CLDN14: variants seen among roughly 807,000 people sequenced by gnomAD.
CLDN14 encodes the protein claudin 14.
In CLDN14, 2 loss-of-function variants were observed where a neutral mutation model predicts 2.1. The ratio of observed to expected loss-of-function variants is 0.96; its 90% CI spans 0.39 to 3.01. The LOEUF (loss-of-function observed/expected upper bound fraction) is 3.01, where lower values mean the gene tolerates loss of function less well. Ranked by LOEUF, CLDN14 falls within the 30% of genes most tolerant of loss-of-function variation. The pLI is 0.09. For synonymous variants in CLDN14, 136 were observed against 154.4 expected, an observed-to-expected ratio of 0.88 and a Z score of 0.88; for missense variants, 298 against 328.0, an observed-to-expected ratio of 0.91 and a Z score of 0.71.
chr21:36,545,045 C>T (rs561192670), intron 1 of CLDN14, among the ~76,000 whole-genome samples: 2 of 152,300 alleles, frequency 1.3e-5, no homozygotes, highest in Admixed American at 6.5e-5. Context: ...GCTGTTCAGC[C>T]TCCTACCAAT....
At chr21:36,532,774 A>G (rs1048864558) in intron 1 of CLDN14, among the ~76,000 whole-genome samples, 1 of 152,146 alleles carries the variant, frequency 6.6e-6, no homozygotes. Context: ...GACTAAAAGA[A>G]AGTATTTAAG....
chr21:36,505,405 A>G (rs1276795983), intron 2 of CLDN14, among the ~76,000 whole-genome samples: 4 of 152,202 alleles, frequency 2.6e-5, no homozygotes. Flanking sequence ...CAATTCCAGG[A>G]CGATGAAGCC....
Position 36,510,643 on chromosome 21 carries a change from C to G in CLDN14, c.-219-143G>C, listed in dbSNP as rs1052889491. On this transcript the variant is annotated intron_variant, in intron 1 of 2. Transcript: ENST00000342108. ...GACAGGTTGGAGAGGAGGAAAACCC[C>G]TTACTACAGGAGTGTTTCACCTACC... The G allele has an allele frequency of 2.0e-5, 3 of 152,274 alleles. No individual in the cohort carries two copies. The South Asian group carries it at 6.2e-4, about 31-fold the overall frequency. 9.4% of individuals were successfully genotyped at this position (152,274 alleles called of 1,614,324 possible).
At chr21:36,468,410 C>G (rs920080993) in intron 1 of CLDN14, among the ~76,000 whole-genome samples, 1 of 152,068 alleles carries the variant, frequency 6.6e-6, no homozygotes, top group African/African-American at 2.4e-5. Flanking sequence ...AACCCCGTCT[C>G]TACTAAAAAT....
At chr21:36,557,058 A>G (rs1312752786) in intron 1 of CLDN14, among the ~76,000 whole-genome samples, 1 of 152,160 alleles carries the variant, frequency 6.6e-6, no homozygotes, top group Non-Finnish European at 1.5e-5. Context: ...CCTTTCTGTG[A>G]CTGGCTTACT....
chr21:36,487,713 G>A (rs1296163064), intron 2 of CLDN14: 1 of 152,214 alleles, frequency 6.6e-6, no homozygotes, highest in African/African-American at 2.4e-5. Flanking sequence ...GTTTCTGAAA[G>A]TCAGATGACA....
In CLDN14 at chr21:36,551,970, G is replaced by A. The variant is rs1391800111; in HGVS notation, c.-220+24441C>T. Among the ~76,000 whole-genome samples the A allele has an allele frequency of 6.6e-6, 1 of 152,174 alleles. No homozygotes were observed. Among genetic ancestry groups the A allele is most frequent in the African/African-American group, 2.4e-5 (1 of 41,430 alleles). The stretch of plus-strand genomic sequence containing the variant: ...GAGGGTGGGAGGAAGTAGGAAAGGA[G>A]GTGGTTTCATGTGAGATTTCTACAG... On this transcript the variant is annotated intron_variant, in intron 1 of 2. Coordinates refer to the CLDN14 transcript ENST00000342108. This position sits in a 1 kb window ranked among gnomAD's most constrained non-coding sequence, Gnocchi z 4.8.
intron 2 of CLDN14, among the ~76,000 whole-genome samples, chr21:36,492,786 AGGAGACCT>A (rs1299133652): frequency 6.6e-6 from 1 of 152,220 alleles, no homozygotes; most frequent in Admixed American, 6.5e-5. Flanking sequence ...GGGAAGGCCA[AGGAGACCT>A]GGAGCCACCA....
At chr21:36,467,339 C>T (rs118133539) in intron 1 of CLDN14, among the ~76,000 whole-genome samples, 4,221 of 152,256 alleles carry the variant, frequency 0.028, 137 homozygotes, top group East Asian at 0.11. Context: ...CCATGGGGAT[C>T]GCCTGGCCAG....
intron 2 of CLDN14, among the ~76,000 whole-genome samples, chr21:36,491,751 T>A (rs1315350616): frequency 1.3e-5 from 2 of 152,150 alleles, no homozygotes; most frequent in African/African-American, 4.8e-5. Flanking sequence ...CGGGGACTAC[T>A]GAAGGTCATG....
upstream of CLDN14, chr21:36,480,425 G>A (rs567860583): frequency 6.6e-6 from 1 of 152,398 alleles, no homozygotes; most frequent in Non-Finnish European, 1.5e-5. Context: ...ATGTCCAGGA[G>A]GGCTAGGGAG....
At chr21:36,470,892 C>A (rs2086702781) in intron 1 of CLDN14, among the ~76,000 whole-genome samples, 2 of 152,366 alleles carry the variant, frequency 1.3e-5, no homozygotes, top group African/African-American at 4.8e-5. Flanking sequence ...GGGAGGATGG[C>A]TTGAGCCTGG....
Position 36,538,018 on chromosome 21 carries a change from CAG to C in CLDN14, c.-219-27520_-219-27519del, listed in dbSNP as rs915036194. On this transcript the variant is annotated intron_variant, in intron 1 of 2. Transcript: ENST00000342108. Reference sequence around the variant, plus strand: ...GTGTGTGTGTGTGTGTGTGTGTGTACAGAGAGAGAGAGAGAAAACTGTATATG... The same window carrying C: ...GTGTGTGTGTGTGTGTGTGTGTGTACAGAGAGAGAGAGAAAACTGTATATG... 8.7e-3 allele frequency among the ~76,000 whole-genome samples: 1,132 copies of C among 130,006 alleles called. 8 individuals are homozygous for C. Among genetic ancestry groups the C allele is most frequent in the African/African-American group, 0.028 (1,064 of 38,258 alleles). The allele number at this position is 130,006 out of a possible 152,430, so 85.3% of individuals were successfully genotyped here.
At chr21:36,486,972 G>T in intron 2 of CLDN14, 1 of 417,510 alleles carries the variant, frequency 2.4e-6, no homozygotes. Context: ...CAGGGTTGCT[G>T]TGGATTTTGT....
rs115661353 is a variant in CLDN14, at chr21:36,508,678, C to T, written c.-82+1685G>A. 8.6e-3 allele frequency among the ~76,000 whole-genome samples: 1,303 copies of T among 152,282 alleles called. 20 individuals carry two copies. Among genetic ancestry groups the T allele is most frequent in the African/African-American group, 0.03 (1,226 of 41,548 alleles). The stretch of plus-strand genomic sequence containing the variant: ...CTACAAGGACACCGGAGCACTGAGG[C>T]CATTGCTCTTGGGAAGAAACCACCG... On this transcript the variant is annotated intron_variant, in intron 2 of 2. Coordinates refer to the CLDN14 transcript ENST00000342108.
intron 1 of CLDN14, among the ~76,000 whole-genome samples, chr21:36,464,130 C>T (rs537997111): frequency 6.6e-5 from 10 of 152,204 alleles, no homozygotes; most frequent in South Asian, 6.2e-4. Context: ...TGAGTTCTCA[C>T]GAGATCTGGT....
At position 36,552,083 on chromosome 21, in the gene CLDN14, C is replaced by T. The variant is rs569317971; in HGVS notation, c.-220+24328G>A. ...GAAACATTTGCAACTGATTATGTTC[C>T]TCAGAATTGGCACTGAGTCATGAGG... On this transcript the variant is annotated intron_variant, in intron 1 of 2. Coordinates refer to the CLDN14 transcript ENST00000342108. Among the ~76,000 whole-genome samples the T allele has an allele frequency of 7.9e-5, 12 of 152,306 alleles. No individual in the cohort carries two copies. In the South Asian group the frequency reaches 2.3e-3, roughly 29 times the overall value.
intron 1 of CLDN14, among the ~76,000 whole-genome samples, chr21:36,537,680 C>T (rs2087437758): frequency 6.9e-6 from 1 of 144,626 alleles, no homozygotes. Context: ...GACGGAGTCT[C>T]GCTCTGTCAC....
chr21:36,496,692 T>G (rs201237895), intron 2 of CLDN14, among the ~76,000 whole-genome samples: 38 of 55,114 alleles, frequency 6.9e-4, no homozygotes, highest in Non-Finnish European at 8.5e-4. Flanking sequence ...GAAAGAAGGG[T>G]GGAAGGAAGG....
Sources: gnomAD v4.1 joint callset for allele counts (sites outside exome capture counted in the v4.1 genomes callset) on GRCh38, gnomAD v4.1.1 for gene constraint, Gnocchi (gnomAD v3.1) non-coding constraint, MANE v1.5 for transcripts, NCBI Gene and HGNC (gene_info 2026-07-23, HGNC 2026-07-21) for gene names.